Variants in TBC1D2B observed in about 807,000 individuals in gnomAD.
TBC1D2B encodes the protein TBC1 domain family member 2B.
TBC1D2B carries 64 observed loss-of-function variants against 100.8 expected under a neutral mutation model. That is an observed-to-expected ratio of 0.64 (90% confidence interval 0.52 to 0.78). The LOEUF is 0.78. TBC1D2B is among the 30% of genes least tolerant of loss of function. The probability of loss-of-function intolerance (pLI) is 0.00; values close to 1 mark genes in which losing one functional copy is unlikely to be tolerated. For synonymous variants in TBC1D2B, 480 were observed against 479.7 expected (o/e 1.00, Z -0.01); for missense variants, 1,052 against 1,218.4 (o/e 0.86, Z 2.03).
In TBC1D2B at chr15:78,024,472, C is replaced by T. The variant is rs746609944; in HGVS notation, c.1154G>A (p.Arg385Gln). Residue 385 changes from arginine (R) to glutamine (Q), a missense_variant, in exon 6 of 13, where the codon CGG becomes CAG. Physicochemically the swap from Arg to Gln is conservative, Grantham distance 43. Around this residue, in one of 4 missense-constraint regions of TBC1D2B, gnomAD observed 627 missense variants for 646.1 expected, o/e 0.97. Coordinates refer to ENST00000300584, the MANE Select transcript of TBC1D2B (RefSeq NM_144572.2). ...SQYDKYFTSSRLCEGVPKDTL... is the reference protein window; with the variant it reads ...SQYDKYFTSSQLCEGVPKDTL... ...GTCCTTTGGGACCCCCTCACAGAGC[C>T]GGCTGCTTGTGAAATACTTGTCATA... is the stretch of plus-strand genomic sequence containing the variant. 1.2e-5 allele frequency: 19 copies of T among 1,613,854 alleles called. No homozygotes were observed. Among genetic ancestry groups the T allele is most frequent in the African/African-American group, 9.3e-5 (7 of 74,892 alleles).
chr15:78,061,803 A>T (rs1475412777), intron 1 of TBC1D2B, among the ~76,000 whole-genome samples: 1 of 152,028 alleles, frequency 6.6e-6, no homozygotes, highest in Non-Finnish European at 1.5e-5. Flanking sequence ...AAAAGCCTGT[A>T]TAATTAAAAT....
At chr15:78,027,553 C>T (rs2072702398) in intron 4 of TBC1D2B, among the ~76,000 whole-genome samples, 1 of 152,186 alleles carries the variant, frequency 6.6e-6, no homozygotes, top group Non-Finnish European at 1.5e-5. Flanking sequence ...TTGTCTCTCC[C>T]TCTCTATCAC....
At chr15:78,035,981 A>G (rs1265019381) in intron 3 of TBC1D2B, among the ~76,000 whole-genome samples, 1 of 152,182 alleles carries the variant, frequency 6.6e-6, no homozygotes, top group African/African-American at 2.4e-5. Flanking sequence ...TGCTGGTGAG[A>G]GCACAGCTTT....
intron 3 of TBC1D2B, among the ~76,000 whole-genome samples, chr15:78,033,966 T>A (rs936032389): frequency 1.3e-5 from 2 of 152,226 alleles, no homozygotes; most frequent in African/African-American, 4.8e-5. Flanking sequence ...GCTAACTGCT[T>A]TAACAAAGAG....
At chr15:78,001,874 CTA>C in intron 11 of TBC1D2B, 134 bp from the exon 12 acceptor site, 2 of 1,019,078 alleles carry the variant, frequency 2.0e-6, no homozygotes, top group South Asian at 3.6e-5. Context: ...TGGGGAAAGA[CTA>C]TTGACCTGAG....
At chr15:78,005,502 C>T (rs779982152) in intron 10 of TBC1D2B, among the ~76,000 whole-genome samples, 43 of 152,308 alleles carry the variant, frequency 2.8e-4, no homozygotes, top group Non-Finnish European at 5.7e-4. Flanking sequence ...AGCCACCTTA[C>T]GCAATGGCCA....
chr15:78,013,173 A>G lies in TBC1D2B; in HGVS notation c.1920T>C (p.Tyr640=). 3 of 1,613,964 alleles carry G rather than the reference A, an allele frequency of 1.9e-6. No individual in the cohort carries two copies. The highest frequency in any genetic ancestry group is 2.5e-6 in the Non-Finnish European group (3 of 1,179,890). The change falls in exon 9 of 13, where the codon TAT becomes TAC. Residue 640 remains tyrosine (Y), a synonymous_variant. Transcript: ENST00000300584. ...TCTCCCTGTTCACTGTACTTGCAAA[A>G]TAGTTTTCCCACTTGACCCCAGTGG... The part of the protein sequence containing the change: ...EVSTGVKWEN[Y]FASTVNREMM...
intron 1 of TBC1D2B, among the ~76,000 whole-genome samples, chr15:78,076,901 G>A (rs2073837605): frequency 6.6e-6 from 1 of 152,252 alleles, no homozygotes; most frequent in South Asian, 2.1e-4. Flanking sequence ...GGTTCACTGA[G>A]GTACCAAGGC....
At chr15:78,061,362 G>T (rs777927095) in intron 1 of TBC1D2B, among the ~76,000 whole-genome samples, 24 of 151,698 alleles carry the variant, frequency 1.6e-4, no homozygotes, top group Non-Finnish European at 2.9e-4. Context: ...CGCTTGAACC[G>T]AGGAGTTCAA....
intron 6 of TBC1D2B, among the ~76,000 whole-genome samples, chr15:78,023,680 C>T (rs1293986491): frequency 6.6e-6 from 1 of 152,202 alleles, no homozygotes; most frequent in East Asian, 1.9e-4. Flanking sequence ...TCTGAACAGG[C>T]CCTCTTCCCA....
At chr15:78,000,094 GC>G (rs1047744125) in intron 12 of TBC1D2B, among the ~76,000 whole-genome samples, 4 of 152,240 alleles carry the variant, frequency 2.6e-5, no homozygotes, top group African/African-American at 9.6e-5. Flanking sequence ...CGGATTATGG[GC>G]CCTTGCAGTC....
chr15:78,043,997 C>A (rs1054265491), intron 3 of TBC1D2B, among the ~76,000 whole-genome samples: 2 of 150,562 alleles, frequency 1.3e-5, no homozygotes, highest in African/African-American at 4.9e-5. Context: ...TGCATGCCAG[C>A]CTGGGTAACA....
chr15:78,015,161 A>G (rs2072337991), intron 8 of TBC1D2B, among the ~76,000 whole-genome samples: 1 of 152,168 alleles, frequency 6.6e-6, no homozygotes, highest in Non-Finnish European at 1.5e-5. Flanking sequence ...AGATTGTGCC[A>G]CTGTACTCCA....
intron 1 of TBC1D2B, among the ~76,000 whole-genome samples, chr15:78,056,210 G>T (rs1349831024): frequency 1.3e-5 from 2 of 152,208 alleles, no homozygotes; most frequent in Non-Finnish European, 2.9e-5. Context: ...AGGGGAAGCA[G>T]GCAGTGGCCA....
At chr15:78,075,458 A>G (rs938488661) in intron 1 of TBC1D2B, among the ~76,000 whole-genome samples, 4 of 152,164 alleles carry the variant, frequency 2.6e-5, no homozygotes, top group African/African-American at 9.7e-5. Context: ...TCGGCCTCCC[A>G]AAGTGCTGGG....
At chr15:78,021,832 G>A (rs1054742688) in intron 6 of TBC1D2B, among the ~76,000 whole-genome samples, 4 of 151,228 alleles carry the variant, frequency 2.6e-5, no homozygotes, top group Non-Finnish European at 5.9e-5. Context: ...AAAAGAGGAG[G>A]GAATGTCCTG....
chr15:78,008,110 G>C (rs1344995407), intron 10 of TBC1D2B, among the ~76,000 whole-genome samples: 1 of 152,254 alleles, frequency 6.6e-6, no homozygotes, highest in Non-Finnish European at 1.5e-5. Context: ...CACATGCGAA[G>C]GGCCGGCTTA....
chr15:78,072,963 T>C (rs557765892), intron 1 of TBC1D2B, among the ~76,000 whole-genome samples: 37 of 152,296 alleles, frequency 2.4e-4, no homozygotes, highest in African/African-American at 8.7e-4. Context: ...TCCCTTGTGA[T>C]ACCCACTATC....
intron 2 of TBC1D2B, among the ~76,000 whole-genome samples, chr15:78,045,741 T>C (rs1473537749): frequency 1.3e-5 from 2 of 152,200 alleles, no homozygotes; most frequent in Non-Finnish European, 2.9e-5. Flanking sequence ...AAATACATAG[T>C]AATATTTGCT....
Sources: allele counts gnomAD v4.1 joint callset (sites outside exome capture counted in the v4.1 genomes callset), GRCh38; gene constraint gnomAD v4.1.1; regional missense constraint gnomAD v4.1.1; transcripts MANE v1.5; gene names NCBI Gene and HGNC (gene_info 2026-07-23, HGNC 2026-07-21).